The following DROSHA variants were observed in gnomAD, a reference collection of about 807,000 sequenced individuals.
The protein encoded by DROSHA is ribonuclease 3.
Under a neutral mutation model 181.9 loss-of-function variants are expected in DROSHA, and 56 were observed. That is an observed-to-expected ratio of 0.31 (90% CI 0.25 to 0.38). DROSHA has a LOEUF of 0.38. Ranked by LOEUF, DROSHA falls within the 10% of genes least tolerant of loss-of-function variation. The probability of loss-of-function intolerance (pLI) is 1.00; values close to 1 mark genes in which losing one functional copy is unlikely to be tolerated. For synonymous variants in DROSHA, 524 were observed against 591.2 expected, an observed-to-expected ratio of 0.89 and a Z score of 1.65; for missense variants, 1,218 against 1,743.5, an observed-to-expected ratio of 0.70 and a Z score of 5.37.
intron 16 of DROSHA, among the ~76,000 whole-genome samples, chr5:31,483,032 AAAATATTGCTTT>A (rs1212038280): frequency 6.6e-6 from 1 of 152,184 alleles, no homozygotes; most frequent in African/African-American, 2.4e-5. Context: ...GAAAACAGTT[AAAATATTGCTTT>A]AAAAAACTGT....
In DROSHA at chr5:31,468,169, G is replaced by A. The variant is rs572316232; in HGVS notation, c.2242-106C>T. The A allele has an allele frequency of 1.4e-5, 19 of 1,311,226 alleles. No homozygotes were observed. In the East Asian group the frequency reaches 5.0e-4, roughly 34 times the overall value. The allele number at this position is 1,311,226 out of a possible 1,614,324, so 81.2% of individuals were successfully genotyped here. ...TCGGACTTTTTTCCAGGAAAGCCTT[G>A]TCCCCAAAGGGAAAAGGTCATTTAA... is the stretch of plus-strand genomic sequence containing the variant. On this transcript the variant is annotated intron_variant, in intron 17 of 35. Coordinates refer to ENST00000344624, the MANE Select transcript of DROSHA (RefSeq NM_001382508.1).
At chr5:31,408,529 G>A (rs1265432906) in intron 33 of DROSHA, among the ~76,000 whole-genome samples, 1 of 152,008 alleles carries the variant, frequency 6.6e-6, no homozygotes, top group East Asian at 1.9e-4. Flanking sequence ...AATGACTTTT[G>A]GCTACCACTC....
Position 31,526,609 on chromosome 5 carries a change from C to T in DROSHA, c.324G>A (p.Arg108=), listed in dbSNP as rs201669466. 6.6e-7 allele frequency: 1 copy of T among 1,519,962 alleles called. No homozygotes were observed. The allele number at this position is 1,519,962 out of a possible 1,614,324, so 94.2% of individuals were successfully genotyped here. Residue 108 remains arginine, a synonymous_variant, in exon 5 of 36, where the codon AGG becomes AGA. Coordinates refer to ENST00000344624, the MANE Select transcript of DROSHA (RefSeq NM_001382508.1). ...AACAAGGAGGAACTGGGAAGGGGTGCCTCATCTGGTGGTTGGGGAAAGGCG... is the reference window on the plus strand; with the variant it reads ...AACAAGGAGGAACTGGGAAGGGGTGTCTCATCTGGTGGTTGGGGAAAGGCG... The part of the protein sequence containing the change: ...IRPPFPNHQM[R]HPFPVPPCFP...
intron 3 of DROSHA, 132 bp from the exon 4 acceptor site, chr5:31,529,237 G>C (rs1439113910): frequency 5.4e-6 from 4 of 738,894 alleles, no homozygotes. Context: ...AAAATTAAAA[G>C]CATGTTGAAC....
At chr5:31,436,743 C>CACACACAA (rs1161153423) in intron 24 of DROSHA, among the ~76,000 whole-genome samples, 10 of 506 alleles carry the variant, frequency 0.02, no homozygotes, top group Non-Finnish European at 0.029. Flanking sequence ...TGGAGAGAAA[C>CACACACAA]ACACACACAC....
chr5:31,433,401 C>G (rs1271586612), intron 25 of DROSHA, among the ~76,000 whole-genome samples: 1 of 152,178 alleles, frequency 6.6e-6, no homozygotes, highest in African/African-American at 2.4e-5. Flanking sequence ...TTTGCTATCT[C>G]TGGAGCCCTG....
At chr5:31,408,862 C>G in intron 33 of DROSHA, 194 bp downstream of exon 33, 1 of 519,106 alleles carries the variant, frequency 1.9e-6, no homozygotes, top group Admixed American at 3.6e-5. Context: ...GGAGTGGGAC[C>G]CACTTATTAC....
intron 26 of DROSHA, among the ~76,000 whole-genome samples, chr5:31,430,112 T>C (rs187788887): frequency 6.6e-6 from 1 of 152,326 alleles, no homozygotes; most frequent in Non-Finnish European, 1.5e-5. Flanking sequence ...TCAATTACAA[T>C]GGAGTACTCA....
intron 33 of DROSHA, among the ~76,000 whole-genome samples, chr5:31,407,644 A>G (rs1501738): frequency 0.13 from 19,873 of 152,252 alleles, 1,693 homozygotes; most frequent in East Asian, 0.29. Flanking sequence ...ATCTTAAAAA[A>G]AACCATGTAA....
At chr5:31,499,945 C>T (rs1198119084) in intron 11 of DROSHA, among the ~76,000 whole-genome samples, 1 of 152,194 alleles carries the variant, frequency 6.6e-6, no homozygotes, top group Non-Finnish European at 1.5e-5. Context: ...AGGACCAAGC[C>T]TAAGGCTTAC....
At chr5:31,490,479 A>C (rs891343612) in intron 13 of DROSHA, among the ~76,000 whole-genome samples, 3 of 152,202 alleles carry the variant, frequency 2.0e-5, no homozygotes, top group African/African-American at 7.2e-5. Flanking sequence ...GCAAATACAC[A>C]TATCTTTAAA....
intron 35 of DROSHA, among the ~76,000 whole-genome samples, chr5:31,402,673 T>C (rs554945908): frequency 6.6e-6 from 1 of 152,252 alleles, no homozygotes; most frequent in South Asian, 2.1e-4. Context: ...TCCCTCTTAA[T>C]TATATAGTAT....
Position 31,515,556 on chromosome 5 carries a change from CCGTAACT to C in DROSHA, c.949_955del (p.Ser317ValfsTer33), listed in dbSNP as rs1183060944. 2.1e-5 allele frequency: 33 copies of C among 1,551,330 alleles called. No homozygotes were observed. Among genetic ancestry groups the C allele is most frequent in the Non-Finnish European group, 2.4e-5 (27 of 1,146,704 alleles). On this transcript the variant is annotated frameshift_variant and splice_region_variant, in exon 7 of 36. Transcript: ENST00000344624. LOFTEE classifies it high-confidence loss of function. Reference sequence around the variant, plus strand: ...AGCAGGTTCAGGAACAACCGATAAACCGTAACTCCTAAAAGAAAAAGATATTTGCAAA... The same window carrying C: ...AGCAGGTTCAGGAACAACCGATAAACCCTAAAAGAAAAAGATATTTGCAAA...
chr5:31,499,843 A>G (rs540003037), intron 11 of DROSHA, among the ~76,000 whole-genome samples: 9 of 152,318 alleles, frequency 5.9e-5, no homozygotes, highest in Admixed American at 2.6e-4. Context: ...CTACAGAAGT[A>G]TAACAGCAGA....
At chr5:31,422,664 C>T (rs2149996450) in intron 29 of DROSHA, 123 bp downstream of exon 29, 1 of 1,264,668 alleles carries the variant, frequency 7.9e-7, no homozygotes, top group East Asian at 2.5e-5. Context: ...TCACCCATCT[C>T]ACAATGTGAC....
At chr5:31,429,338 G>T in intron 27 of DROSHA, 137 bp downstream of exon 27, 2 of 679,342 alleles carry the variant, frequency 2.9e-6, no homozygotes. Flanking sequence ...CCATTTTGGT[G>T]TATTGAAATG....
intron 1 of DROSHA, among the ~76,000 whole-genome samples, chr5:31,531,785 T>C (rs1005702801): frequency 6.6e-6 from 1 of 152,052 alleles, no homozygotes; most frequent in African/African-American, 2.4e-5. Flanking sequence ...GCTCCACAAA[T>C]GAATGAAAGG....
At chr5:31,406,799 A>C in intron 34 of DROSHA, 54 bp downstream of exon 34, 7 of 1,523,622 alleles carry the variant, frequency 4.6e-6, no homozygotes, top group Non-Finnish European at 5.4e-6. Context: ...CAGCTAGGGA[A>C]TTAGACACAC....
At chr5:31,475,557 C>G (rs1173184416) in intron 16 of DROSHA, among the ~76,000 whole-genome samples, 1 of 152,058 alleles carries the variant, frequency 6.6e-6, no homozygotes, top group Non-Finnish European at 1.5e-5. Flanking sequence ...CACAGAACAG[C>G]AGGAATAAAG....
Sources: gnomAD v4.1 joint callset for allele counts (sites outside exome capture counted in the v4.1 genomes callset) on GRCh38, gnomAD v4.1.1 for gene constraint, MANE v1.5 for transcripts, NCBI Gene and HGNC (gene_info 2026-07-23, HGNC 2026-07-21) for gene names.